Variants in SPATA6L observed in about 807,000 individuals in gnomAD.
SPATA6L encodes the protein spermatogenesis associated 6-like protein.
Under a neutral mutation model 49.2 loss-of-function variants are expected in SPATA6L, and 68 were observed. The ratio of observed to expected loss-of-function variants is 1.38; its 90% confidence interval spans 1.14 to 1.69. The LOEUF (loss-of-function observed/expected upper bound fraction) is 1.69. Among genes scored for constraint, SPATA6L ranks in the 40% most tolerant of loss-of-function variants. SPATA6L has a pLI of 0.00. For synonymous variants in SPATA6L, 198 were observed against 165.7 expected, an observed-to-expected ratio of 1.19 and a Z score of -1.50; for missense variants, 668 against 464.3, an observed-to-expected ratio of 1.44 and a Z score of -4.03.
rs1207743305 is a variant in SPATA6L at position 4,606,560 on chromosome 9, T to C, written c.996-1120A>G. Among the ~76,000 whole-genome samples, 10 of 36,324 alleles carry C rather than the reference T, an allele frequency of 2.8e-4. 5 individuals are homozygous for C. 23.8% of individuals were successfully genotyped at this position (36,324 alleles called of 152,430 possible). ...CACACTGACACCTCACACGGCCGGG[T>C]ACTCCAACAGACCTGCAGCTGAGGG... On this transcript the variant is annotated intron_variant, in intron 9 of 11. Coordinates refer to ENST00000682582, the MANE Select transcript of SPATA6L (RefSeq NM_001353486.2).
chr9:4,604,029 C>A, intron 11 of SPATA6L, 150 bp downstream of exon 11: 2 of 553,608 alleles, frequency 3.6e-6, no homozygotes, highest in Non-Finnish European at 6.4e-6. Flanking sequence ...TCATACAGAG[C>A]AAGGGAAGAA....
chr9:4,662,820 G>A lies in SPATA6L; in HGVS notation c.40-784C>T, dbSNP rs765625387. The A allele has an allele frequency of 1.2e-6, 2 of 1,605,084 alleles. No homozygotes were observed. The highest frequency in any genetic ancestry group is 1.7e-5 in the Admixed American group (1 of 60,018). On this transcript the variant is annotated intron_variant, in intron 1 of 11. Coordinates refer to ENST00000682582, the MANE Select transcript of SPATA6L (RefSeq NM_001353486.2). The surrounding 1 kb of genome is among the most constrained non-coding windows in gnomAD (Gnocchi z 4.9). ...GGGACACGGCATCCCCTGGCTGCTGGGCACCCTCTACTGCCTGTGCAGGAG... is the reference window on the plus strand; with the variant it reads ...GGGACACGGCATCCCCTGGCTGCTGAGCACCCTCTACTGCCTGTGCAGGAG...
At chr9:4,596,713 T>C (rs1372136181), downstream of SPATA6L, among the ~76,000 whole-genome samples, 1 of 152,224 alleles carries the variant, frequency 6.6e-6, no homozygotes, top group Non-Finnish European at 1.5e-5. Flanking sequence ...AGTTGCTCTG[T>C]TATTCTGAAA....
chr9:4,632,152 C>T (rs1228335749), intron 4 of SPATA6L, among the ~76,000 whole-genome samples: 2 of 150,508 alleles, frequency 1.3e-5, no homozygotes, highest in Admixed American at 1.3e-4. Flanking sequence ...TCTCAGTAGC[C>T]GGGATTACAG....
chr9:4,646,414 C>T (rs1329417327), intron 3 of SPATA6L: 22 of 1,009,124 alleles, frequency 2.2e-5, no homozygotes, highest in Non-Finnish European at 2.6e-5. Context: ...AAGTACAGTC[C>T]CCATTTTGAC....
chr9:4,650,998 G>A (rs187156056), intron 3 of SPATA6L, among the ~76,000 whole-genome samples: 3 of 152,006 alleles, frequency 2.0e-5, no homozygotes, highest in Admixed American at 6.6e-5. Flanking sequence ...CACCGTGCCC[G>A]GCGTAGAAAT....
chr9:4,625,512 G>A lies in SPATA6L; in HGVS notation c.484C>T (p.Pro162Ser), dbSNP rs753598789. Reference sequence around the variant, plus strand: ...AGTTTCATCTTTATAGTATTTAAGGGAAATATTGGTTCATGTGATGTAGAT... The same window carrying A: ...AGTTTCATCTTTATAGTATTTAAGGAAAATATTGGTTCATGTGATGTAGAT... Reference protein sequence around the residue: ...PLSTSHEPIFPLNTIKMKLKE... With the variant: ...PLSTSHEPIFSLNTIKMKLKE... Residue 162 changes from proline to serine, a missense_variant, in exon 6 of 12, where the codon CCC (proline) becomes TCC (serine). Physicochemically the swap from Pro to Ser is moderately conservative, Grantham distance 74. Transcript: ENST00000682582. 1.4e-5 allele frequency: 22 copies of A among 1,613,044 alleles called. No homozygotes were observed. The highest frequency in any genetic ancestry group is 1.8e-5 in the Non-Finnish European group (21 of 1,179,538).
In SPATA6L at chr9:4,599,073, TTACGTTTTATA is replaced by T. The variant is rs1822637096; in HGVS notation, c.*1727_*1737del. On this transcript the variant is annotated 3_prime_UTR_variant, in exon 12 of 12. Coordinates refer to ENST00000682582, the MANE Select transcript of SPATA6L (RefSeq NM_001353486.2). ...ACCCAAGTCTAAACACGAAATTCAT[TTACGTTTTATA>T]TACACTTTATACAGGTAGCCTGAAG... 6.6e-6 allele frequency among the ~76,000 whole-genome samples: 1 copy of T among 152,232 alleles called. No homozygotes were observed. Among genetic ancestry groups the T allele is most frequent in the South Asian group, 2.1e-4 (1 of 4,834 alleles).
chr9:4,645,697 G>C (rs1378613608), intron 3 of SPATA6L, among the ~76,000 whole-genome samples: 1 of 152,164 alleles, frequency 6.6e-6, no homozygotes, highest in Non-Finnish European at 1.5e-5. Context: ...GCTACAACAT[G>C]GCTGAACCCT....
chr9:4,640,454 G>A (rs527311876), intron 3 of SPATA6L, among the ~76,000 whole-genome samples: 103 of 152,072 alleles, frequency 6.8e-4, no homozygotes, highest in Non-Finnish European at 1.2e-3. Context: ...AAAATATCAA[G>A]CAATAAATAC....
Position 4,618,904 on chromosome 9 carries a change from A to G in SPATA6L, c.773-6T>C. On this transcript the variant is annotated splice_region_variant and splice_polypyrimidine_tract_variant and intron_variant, in intron 7 of 11. Coordinates refer to ENST00000682582, the MANE Select transcript of SPATA6L (RefSeq NM_001353486.2). Reference sequence around the variant, plus strand: ...AAGGCTGTCAAGAGAAGAAGCTAGAAGAAAGAGGAACAGGCATTTCAATGA... The same window carrying G: ...AAGGCTGTCAAGAGAAGAAGCTAGAGGAAAGAGGAACAGGCATTTCAATGA... 1 of 1,613,348 alleles carries G rather than the reference A, an allele frequency of 6.2e-7. No individual in the cohort carries two copies. The highest frequency in any genetic ancestry group is 8.5e-7 in the Non-Finnish European group (1 of 1,179,424).
At chr9:4,635,727 G>A (rs1277798067) in intron 3 of SPATA6L, among the ~76,000 whole-genome samples, 7 of 152,212 alleles carry the variant, frequency 4.6e-5, no homozygotes, top group Non-Finnish European at 8.8e-5. Flanking sequence ...CCCAGGCACT[G>A]AGGATAGAAC....
At chr9:4,666,060 A>G (rs1421897741) in intron 1 of SPATA6L, 152 bp downstream of exon 1, 1 of 694,636 alleles carries the variant, frequency 1.4e-6, no homozygotes, top group Admixed American at 2.3e-5. Context: ...GGGAAAACCA[A>G]TATGGAGAAA....
Position 4,618,067 on chromosome 9 carries a change from G to C in SPATA6L, c.851C>G (p.Ser284Ter). ...CTGACTTGAATCTAAACATGATGATGAGTCACTCCTTAAAACAATCCGTTC... is the reference window on the plus strand; with the variant it reads ...CTGACTTGAATCTAAACATGATGATCAGTCACTCCTTAAAACAATCCGTTC... The part of the protein sequence containing the change: ...PDERIVLRSD[S>*]SSCLDSSQFG... Residue 284 changes from serine (S) to a stop codon, truncating the protein, a stop_gained, in exon 9 of 12, where the codon TCA becomes TGA. Transcript: ENST00000682582. LOFTEE classifies it high-confidence loss of function. The C allele has an allele frequency of 6.2e-7, 1 of 1,613,816 alleles. No homozygotes were observed.
chr9:4,657,082 G>A (rs1040783327), intron 2 of SPATA6L, among the ~76,000 whole-genome samples: 4 of 152,142 alleles, frequency 2.6e-5, no homozygotes, highest in African/African-American at 9.7e-5. Flanking sequence ...AAAAGGGCCT[G>A]GGATAGGATT....
chr9:4,653,434 C>T (rs1317459083), intron 3 of SPATA6L, among the ~76,000 whole-genome samples: 1 of 152,134 alleles, frequency 6.6e-6, no homozygotes, highest in African/African-American at 2.4e-5. Flanking sequence ...GTCTTCATGA[C>T]CTTGAGTTAG....
Position 4,600,006 on chromosome 9 carries a change from T to C in SPATA6L, c.*805A>G, listed in dbSNP as rs955297336. On this transcript the variant is annotated 3_prime_UTR_variant, in exon 12 of 12. Transcript: ENST00000682582. ...CCTATTCCTGCTCCCTCACACTGTGTAAGCATTTCATAGATGCACCTTCCT... is the reference window on the plus strand; with the variant it reads ...CCTATTCCTGCTCCCTCACACTGTGCAAGCATTTCATAGATGCACCTTCCT... Among the ~76,000 whole-genome samples, 4 of 152,194 alleles carry C rather than the reference T, an allele frequency of 2.6e-5. No homozygotes were observed. The highest frequency in any genetic ancestry group is 2.6e-4 in the Admixed American group (4 of 15,282).
intron 4 of SPATA6L, among the ~76,000 whole-genome samples, chr9:4,631,937 T>G (rs1236045990): frequency 6.6e-6 from 1 of 151,974 alleles, no homozygotes; most frequent in Admixed American, 6.6e-5. Context: ...AGAATAGCTG[T>G]CACCTCACAA....
intron 6 of SPATA6L, among the ~76,000 whole-genome samples, chr9:4,623,845 A>T (rs1418763642): frequency 6.6e-6 from 1 of 152,262 alleles, no homozygotes; most frequent in African/African-American, 2.4e-5. Flanking sequence ...CAATGAAATG[A>T]AATAAATGAA....
Sources: allele counts gnomAD v4.1 joint callset (sites outside exome capture counted in the v4.1 genomes callset), GRCh38; gene constraint gnomAD v4.1.1; non-coding constraint Gnocchi (gnomAD v3.1); transcripts MANE v1.5; gene names NCBI Gene and HGNC (gene_info 2026-07-23, HGNC 2026-07-21).